Variants in MRTFB observed in about 807,000 individuals in gnomAD.
MRTFB encodes the protein myocardin related transcription factor B.
A neutral mutation model predicts 104.2 loss-of-function variants in MRTFB; 29 were observed. The observed-to-expected ratio is 0.28, with a 90% CI of 0.21 to 0.38. The LOEUF (loss-of-function observed/expected upper bound fraction) is 0.38. Ranked by LOEUF, MRTFB falls within the 10% of genes least tolerant of loss-of-function variation. The pLI, the probability that MRTFB is intolerant of heterozygous loss-of-function variation, is 1.00. For missense variants in MRTFB, 1,270 were observed against 1,341.6 expected (o/e 0.95, Z 0.83); for synonymous variants, 535 against 519.5 (o/e 1.03, Z -0.41).
intron 3 of MRTFB, among the ~76,000 whole-genome samples, chr16:14,165,473 GTGTCCTGTGA>G (rs893673347): frequency 3.4e-4 from 52 of 152,280 alleles, no homozygotes; most frequent in African/African-American, 1.2e-3. Flanking sequence ...TGCAGACTGT[GTGTCCTGTGA>G]TGTCCTGGAC....
intron 12 of MRTFB, 123 bp from the exon 13 acceptor site, chr16:14,248,803 G>A (rs966060458): frequency 1.0e-6 from 1 of 997,064 alleles, no homozygotes; most frequent in Non-Finnish European, 1.5e-6. Flanking sequence ...GTGTGTATCT[G>A]TAACCTTGGT....
chr16:14,042,792 T>C, the MRTFB span, among the ~76,000 whole-genome samples: 4 of 152,220 alleles, frequency 2.6e-5, no homozygotes, highest in African/African-American at 9.7e-5. Context: ...CTTGGACCCG[T>C]AGGCCAAGCA....
the MRTFB span, among the ~76,000 whole-genome samples, chr16:14,017,016 A>G: frequency 9.3e-5 from 14 of 151,042 alleles, no homozygotes; most frequent in African/African-American, 2.7e-4. Flanking sequence ...TTCAAATAGA[A>G]CCTAGCTTGA....
chr16:14,148,392 G>A (rs1273915467), intron 3 of MRTFB, among the ~76,000 whole-genome samples: 2 of 152,158 alleles, frequency 1.3e-5, no homozygotes, highest in African/African-American at 4.8e-5. Flanking sequence ...CTATAAAAGA[G>A]CCTAATGAAT....
chr16:14,049,759 G>C, the MRTFB span, among the ~76,000 whole-genome samples: 1 of 152,240 alleles, frequency 6.6e-6, no homozygotes, highest in Non-Finnish European at 1.5e-5. Flanking sequence ...TTGAGACGGA[G>C]TGTCACTCTT....
intron 2 of MRTFB, among the ~76,000 whole-genome samples, chr16:14,094,783 C>G (rs1440349770): frequency 2.0e-5 from 3 of 152,196 alleles, no homozygotes; most frequent in Non-Finnish European, 4.4e-5. Context: ...GAAAGCAGGG[C>G]TGGCGCTCCG....
In MRTFB at chr16:14,206,439, C is replaced by G. The variant is rs115644637; in HGVS notation, c.155-3804C>G. On this transcript the variant is annotated intron_variant, in intron 3 of 16. Coordinates refer to ENST00000571589, the MANE Select transcript of MRTFB (RefSeq NM_001308142.2). The stretch of plus-strand genomic sequence containing the variant: ...TTCTGAAAGGAAGTTTGATATCTGC[C>G]AAAATTATAAGTCTATACCTATATG... 7.9e-3 allele frequency among the ~76,000 whole-genome samples: 1,197 copies of G among 152,260 alleles called. 12 individuals carry two copies. The highest frequency in any genetic ancestry group is 0.026 in the African/African-American group (1,069 of 41,542).
chr16:14,222,746 T>C (rs548327520), intron 8 of MRTFB, among the ~76,000 whole-genome samples: 1 of 151,460 alleles, frequency 6.6e-6, no homozygotes, highest in East Asian at 1.9e-4. Flanking sequence ...GAAATGCAAA[T>C]CAAAACCACA....
At chr16:14,133,763 ACAGTTT>A (rs2037563368) in intron 2 of MRTFB, among the ~76,000 whole-genome samples, 1 of 149,158 alleles carries the variant, frequency 6.7e-6, no homozygotes, top group African/African-American at 2.6e-5. Context: ...CAACAAAATT[ACAGTTT>A]GTTTTTAACC....
chr16:14,072,506 G>A (rs2033771443), intron 1 of MRTFB, among the ~76,000 whole-genome samples: 2 of 152,132 alleles, frequency 1.3e-5, no homozygotes, highest in South Asian at 2.1e-4. Context: ...GCAATATAGC[G>A]AGATCCCACC....
the MRTFB span, among the ~76,000 whole-genome samples, chr16:14,005,046 G>A: frequency 6.6e-6 from 1 of 152,250 alleles, no homozygotes; most frequent in African/African-American, 2.4e-5. Context: ...CTGCATGACT[G>A]GAGGTGGGAA....
intron 6 of MRTFB, among the ~76,000 whole-genome samples, chr16:14,213,921 A>T (rs1472463207): frequency 6.6e-6 from 1 of 152,244 alleles, no homozygotes; most frequent in Non-Finnish European, 1.5e-5. Flanking sequence ...AGTGAGGGAC[A>T]TGTATCCACT....
chr16:14,119,945 C>T (rs2036756405), intron 2 of MRTFB, among the ~76,000 whole-genome samples: 1 of 152,110 alleles, frequency 6.6e-6, no homozygotes, highest in South Asian at 2.1e-4. Context: ...GGTTTCAGCT[C>T]CTGACAGCAC....
At chr16:14,099,524 G>A (rs1280037546) in intron 2 of MRTFB, among the ~76,000 whole-genome samples, 4 of 150,828 alleles carry the variant, frequency 2.7e-5, no homozygotes, top group Non-Finnish European at 5.9e-5. Flanking sequence ...CACCATGTCC[G>A]GCTAATTTTT....
intron 3 of MRTFB, among the ~76,000 whole-genome samples, chr16:14,165,001 T>A (rs933007878): frequency 6.6e-6 from 1 of 152,122 alleles, no homozygotes; most frequent in African/African-American, 2.4e-5. Flanking sequence ...TCCTTTCTTT[T>A]CAGGTTTCAG....
intron 1 of MRTFB, among the ~76,000 whole-genome samples, chr16:14,073,844 A>G (rs1025399473): frequency 5.9e-5 from 9 of 152,248 alleles, no homozygotes; most frequent in African/African-American, 1.9e-4. Context: ...ATTACCTGTA[A>G]TCACATATGC....
the MRTFB span, among the ~76,000 whole-genome samples, chr16:13,999,182 C>G: frequency 6.8e-6 from 1 of 148,006 alleles, no homozygotes; most frequent in Non-Finnish European, 1.5e-5. Flanking sequence ...AAGAGTAAGA[C>G]TCTGTCTCCA....
chr16:14,142,741 A>G lies in MRTFB; in HGVS notation c.154+1981A>G, dbSNP rs1017548343. 4 of 152,338 alleles carry G rather than the reference A, an allele frequency of 2.6e-5. No individual in the cohort carries two copies. The South Asian group carries it at 6.2e-4, about 24-fold the overall frequency. 9.4% of individuals were successfully genotyped at this position (152,338 alleles called of 1,614,324 possible). A position where few individuals can be genotyped will look rare whatever the true frequency, so the allele number is the denominator to read the frequency against. On this transcript the variant is annotated intron_variant, in intron 3 of 16. Coordinates refer to ENST00000571589, the MANE Select transcript of MRTFB (RefSeq NM_001308142.2). Reference sequence around the variant, plus strand: ...AAATCAGAACACACAGTTGTGCACAATAATGGTCTTCTGTAATGGGGAGGG... The same window carrying G: ...AAATCAGAACACACAGTTGTGCACAGTAATGGTCTTCTGTAATGGGGAGGG...
the MRTFB span, among the ~76,000 whole-genome samples, chr16:14,022,746 C>CTT: frequency 2.6e-4 from 23 of 88,622 alleles, no homozygotes; most frequent in African/African-American, 7.7e-4. Context: ...TAATACTGTT[C>CTT]TTTTTTTTTT....
Sources: allele counts gnomAD v4.1 joint callset (sites outside exome capture counted in the v4.1 genomes callset), GRCh38; gene constraint gnomAD v4.1.1; transcripts MANE v1.5; gene names NCBI Gene and HGNC (gene_info 2026-07-23, HGNC 2026-07-21).